Variants in TMEM92 observed in about 807,000 individuals in gnomAD.
TMEM92 encodes transmembrane protein 92.
In TMEM92, 15 loss-of-function variants were observed where a neutral mutation model predicts 14.6. The ratio of observed to expected loss-of-function variants is 1.03; its 90% confidence interval spans 0.69 to 1.58. TMEM92 has a LOEUF of 1.58. Among genes scored for constraint, TMEM92 ranks in the 40% most tolerant of loss-of-function variants. The pLI is 0.00. For synonymous variants in TMEM92, 85 were observed against 83.3 expected (o/e 1.02, Z -0.11); for missense variants, 174 against 202.4 (o/e 0.86, Z 0.85).
At position 50,279,534 on chromosome 17, in the gene TMEM92, A is replaced by G. The variant is rs62060069; in HGVS notation, c.*226A>G. 0.091 allele frequency: 45,222 copies of G among 499,372 alleles called. 2,550 individuals are homozygous for G. The highest frequency in any genetic ancestry group is 0.23 in the East Asian group (5,815 of 25,430). The allele number at this position is 499,372 out of a possible 1,614,324, so 30.9% of individuals were successfully genotyped here. A position where few individuals can be genotyped will look rare whatever the true frequency, so the allele number is the denominator to read the frequency against. Reference sequence around the variant, plus strand: ...CAGTTTCCGCCCACCCCCCAGCCCAAGAAAGAGGCTGCCGGAAAGAAAATG... The same window carrying G: ...CAGTTTCCGCCCACCCCCCAGCCCAGGAAAGAGGCTGCCGGAAAGAAAATG... On this transcript the variant is annotated 3_prime_UTR_variant, in exon 5 of 5. Coordinates refer to ENST00000507382, the MANE Select transcript of TMEM92 (RefSeq NM_153229.3).
chr17:50,278,962 T>TATC lies in TMEM92; in HGVS notation c.333_335dup (p.Ser112dup), dbSNP rs1910523377. ...ATCATCCCCCCAGAGAGGGTCAGAGTATCCCTTTCTGCGCCCCCACCCCCC... is the reference window on the plus strand; with the variant it reads ...ATCATCCCCCCAGAGAGGGTCAGAGTATCATCCCTTTCTGCGCCCCCACCCCCC... On this transcript the variant is annotated inframe_insertion, in exon 4 of 5. Transcript: ENST00000507382. The TATC allele has an allele frequency of 1.2e-6, 2 of 1,610,316 alleles. No individual in the cohort carries two copies. Among genetic ancestry groups the TATC allele is most frequent in the Non-Finnish European group, 1.7e-6 (2 of 1,178,312 alleles).
chr17:50,278,804 C>A lies in TMEM92; in HGVS notation c.174C>A (p.Ile58=). ...ENELFPGPVR[I]FVIIFLVILS... ...CTCTTGGTGGTCCCCACCCCAGGAT[C>A]TTCGTCATCATCTTCCTGGTCATCC... The change falls in exon 4 of 5, where the codon ATC becomes ATA. Residue 58 remains isoleucine, a synonymous_variant. Coordinates refer to ENST00000507382, the MANE Select transcript of TMEM92 (RefSeq NM_153229.3). 1.2e-6 allele frequency: 2 copies of A among 1,609,256 alleles called. No individual in the cohort carries two copies. Among genetic ancestry groups the A allele is most frequent in the Non-Finnish European group, 1.7e-6 (2 of 1,177,816 alleles).
At chr17:50,277,450 G>A (rs1910462987) in intron 1 of TMEM92, among the ~76,000 whole-genome samples, 1 of 151,790 alleles carries the variant, frequency 6.6e-6, no homozygotes, top group Admixed American at 6.6e-5. Flanking sequence ...TTGGAAGGGT[G>A]GTCAGAAGGG....
At chr17:50,271,486 A>T (rs1910243583), upstream of TMEM92, 1 of 152,272 alleles carries the variant, frequency 6.6e-6, no homozygotes, top group African/African-American at 2.4e-5. Context: ...AACTGGGACT[A>T]CAGGTACATG....
intron 1 of TMEM92, 130 bp from the exon 2 acceptor site, chr17:50,277,585 T>C: frequency 9.4e-7 from 1 of 1,067,692 alleles, no homozygotes; most frequent in Non-Finnish European, 1.4e-6. Flanking sequence ...GGGGGGTGGC[T>C]TGCAGGAAGA....
chr17:50,273,973 T>G (rs1323254602), upstream of TMEM92, among the ~76,000 whole-genome samples: 1 of 33,824 alleles, frequency 3.0e-5, no homozygotes, highest in East Asian at 5.0e-3. Context: ...ATTTAGGTTA[T>G]TTATTTATTT....
At chr17:50,272,184 CCCT>C (rs1359226403), upstream of TMEM92, among the ~76,000 whole-genome samples, 1 of 152,054 alleles carries the variant, frequency 6.6e-6, no homozygotes, top group African/African-American at 2.4e-5. Context: ...AGCCTCCTCC[CCCT>C]CCTCCTGCCC....
upstream of TMEM92, among the ~76,000 whole-genome samples, chr17:50,273,934 GGT>G (rs1340677021): frequency 1.2e-4 from 18 of 152,068 alleles, no homozygotes; most frequent in Admixed American, 1.2e-3. Context: ...CCAGCTCAGC[GGT>G]GTGGAGTTGA....
chr17:50,274,893 T>G, intron 1 of TMEM92: 5 of 335,122 alleles, frequency 1.5e-5, no homozygotes, highest in East Asian at 7.4e-5. Context: ...TTCCAGCTCC[T>G]TCCCGCCTGA....
rs769385268 is a variant in TMEM92 at position 50,279,222 on chromosome 17, A to G, written c.394A>G (p.Thr132Ala). 6.2e-7 allele frequency: 1 copy of G among 1,613,730 alleles called. No individual in the cohort carries two copies. Among genetic ancestry groups the G allele is most frequent in the Admixed American group, 1.7e-5 (1 of 59,972 alleles). Residue 132 changes from threonine (T) to alanine (A), a missense_variant, in exon 5 of 5, where the codon ACT becomes GCT. Transcript: ENST00000507382. ...EVILKPSLGP[T>A]PTEPPPPYSF... ...GATTCTGAAGCCCAGCCTGGGCCCA[A>G]CTCCCACAGAGCCACCCCCTCCCTA... is the stretch of plus-strand genomic sequence containing the variant.
intron 2 of TMEM92, among the ~76,000 whole-genome samples, chr17:50,278,182 C>T (rs1361632560): frequency 1.3e-5 from 2 of 152,198 alleles, no homozygotes; most frequent in Non-Finnish European, 2.9e-5. Flanking sequence ...TGGGCGCCAG[C>T]GAGAACTGGC....
chr17:50,281,425 T>C lies in TMEM92; in HGVS notation c.*2117T>C, dbSNP rs1244717239. 1 of 152,214 alleles carries C rather than the reference T, an allele frequency of 6.6e-6. No individual in the cohort carries two copies. The highest frequency in any genetic ancestry group is 1.5e-5 in the Non-Finnish European group (1 of 68,046). 9.4% of individuals were successfully genotyped at this position (152,214 alleles called of 1,614,324 possible). ...TCAATAAGTATCATGCACTAATTCATTGTGCCACCAGAGCTCCCTATGCAG... is the reference window on the plus strand; with the variant it reads ...TCAATAAGTATCATGCACTAATTCACTGTGCCACCAGAGCTCCCTATGCAG... On this transcript the variant is annotated 3_prime_UTR_variant, in exon 5 of 5. Transcript: ENST00000507382.
At position 50,279,208 on chromosome 17, in the gene TMEM92, C is replaced by A. The variant is rs1354265341; in HGVS notation, c.380C>A (p.Pro127His). The A allele has an allele frequency of 6.2e-7, 1 of 1,614,022 alleles. No individual in the cohort carries two copies. Among genetic ancestry groups the A allele is most frequent in the Non-Finnish European group, 8.5e-7 (1 of 1,179,932 alleles). ...PPPYSEVILK[P>H]SLGPTPTEPP... Reference sequence around the variant, plus strand: ...TTTTCCCTGCAGGTGATTCTGAAGCCCAGCCTGGGCCCAACTCCCACAGAG... The same window carrying A: ...TTTTCCCTGCAGGTGATTCTGAAGCACAGCCTGGGCCCAACTCCCACAGAG... Residue 127 changes from proline (P) to histidine (H), a missense_variant, in exon 5 of 5, where the codon CCC becomes CAC. Pro to His is a moderately conservative substitution (Grantham distance 77, BLOSUM62 -2). Transcript: ENST00000507382.
chr17:50,274,452 C>G, upstream of TMEM92: 1 of 1,598,264 alleles, frequency 6.3e-7, no homozygotes, highest in East Asian at 2.2e-5. Context: ...TGGGAGAGGT[C>G]GCAGCCCCGC....
intron 1 of TMEM92, among the ~76,000 whole-genome samples, chr17:50,277,134 G>A (rs1910453571): frequency 6.6e-6 from 1 of 152,128 alleles, no homozygotes; most frequent in Non-Finnish European, 1.5e-5. Context: ...CCTTAGGCAG[G>A]GATCTGAAGG....
intron 1 of TMEM92, 59 bp downstream of exon 1, chr17:50,274,629 C>G (rs536631300): frequency 1.0e-5 from 15 of 1,478,952 alleles, no homozygotes; most frequent in Non-Finnish European, 1.4e-5. Context: ...GGTCAGGAGC[C>G]TGCTTCTGGA....
At position 50,279,217 on chromosome 17, in the gene TMEM92, G is replaced by A. The variant is rs141516787; in HGVS notation, c.389G>A (p.Gly130Asp). 40 of 1,613,984 alleles carry A rather than the reference G, an allele frequency of 2.5e-5. No individual in the cohort carries two copies. The African/African-American group carries it at 4.4e-4, about 18-fold the overall frequency. Residue 130 changes from glycine to aspartate, a missense_variant, in exon 5 of 5, where the codon GGC becomes GAC. By Grantham distance (94) the Gly-to-Asp change is moderately conservative. Coordinates refer to ENST00000507382, the MANE Select transcript of TMEM92 (RefSeq NM_153229.3). ...YSEVILKPSLGPTPTEPPPPY... is the reference protein window; with the variant it reads ...YSEVILKPSLDPTPTEPPPPY... The stretch of plus-strand genomic sequence containing the variant: ...CAGGTGATTCTGAAGCCCAGCCTGG[G>A]CCCAACTCCCACAGAGCCACCCCCT...
chr17:50,279,662 G>T lies in TMEM92; in HGVS notation c.*354G>T. On this transcript the variant is annotated 3_prime_UTR_variant, in exon 5 of 5. Transcript: ENST00000507382. The stretch of plus-strand genomic sequence containing the variant: ...ATCTTGACTGGACAGCCAGCTCTGA[G>T]ATTTTATCAGGGCACTTCTATACCT... The T allele has an allele frequency of 3.2e-6, 1 of 309,870 alleles. No individual in the cohort carries two copies. Among genetic ancestry groups the T allele is most frequent in the Non-Finnish European group, 6.2e-6 (1 of 162,502 alleles). The allele number at this position is 309,870 out of a possible 1,614,324, so 19.2% of individuals were successfully genotyped here.
upstream of TMEM92, chr17:50,274,425 C>A (rs886972630): frequency 9.8e-6 from 15 of 1,527,562 alleles, no homozygotes; most frequent in Non-Finnish European, 9.9e-6. Context: ...AGGCGGGGCC[C>A]CATAGGTGGA....
Sources: allele counts gnomAD v4.1 joint callset (sites outside exome capture counted in the v4.1 genomes callset), GRCh38; gene constraint gnomAD v4.1.1; transcripts MANE v1.5; gene names NCBI Gene and HGNC (gene_info 2026-07-23, HGNC 2026-07-21).